Variants in DLG1 observed in about 807,000 individuals in gnomAD.
DLG1 encodes the protein disks large homolog 1.
A neutral mutation model predicts 123.4 loss-of-function variants in DLG1; 42 were observed. That is an observed-to-expected ratio of 0.34 (90% CI 0.27 to 0.44). The LOEUF is 0.44. DLG1 is among the 20% of genes least tolerant of loss of function. The pLI is 1.00. For synonymous variants in DLG1, 317 were observed against 356.2 expected (o/e 0.89, Z 1.24); for missense variants, 942 against 1,082.6 (o/e 0.87, Z 1.82).
At chr3:197,245,762 G>A (rs1751315278) in intron 4 of DLG1, among the ~76,000 whole-genome samples, 1 of 152,152 alleles carries the variant, frequency 6.6e-6, no homozygotes, top group African/African-American at 2.4e-5. Context: ...GGGGGAGAAA[G>A]ACAATGAGTT....
intron 4 of DLG1, among the ~76,000 whole-genome samples, chr3:197,197,306 CT>C (rs1723054749): frequency 6.6e-6 from 1 of 152,212 alleles, no homozygotes; most frequent in Non-Finnish European, 1.5e-5. Context: ...ATACCTGTCT[CT>C]CTTTTTGTAA....
At chr3:197,143,502 C>T (rs1011514912) in intron 6 of DLG1, among the ~76,000 whole-genome samples, 4 of 152,072 alleles carry the variant, frequency 2.6e-5, no homozygotes, top group African/African-American at 7.2e-5. Context: ...GTGATCCACC[C>T]GCCTCGGCCT....
chr3:197,052,441 C>A (rs146085224), intron 23 of DLG1, among the ~76,000 whole-genome samples: 1 of 151,706 alleles, frequency 6.6e-6, no homozygotes, highest in South Asian at 2.1e-4. Flanking sequence ...GGTGACAGAG[C>A]GAGACTCTGT....
At chr3:197,256,809 C>T (rs866509830) in intron 4 of DLG1, among the ~76,000 whole-genome samples, 1 of 152,066 alleles carries the variant, frequency 6.6e-6, no homozygotes, top group Non-Finnish European at 1.5e-5. Context: ...TAAGACTAAA[C>T]GAAACTTTCT....
chr3:197,236,445 G>A (rs1358228068), intron 4 of DLG1, among the ~76,000 whole-genome samples: 1 of 152,084 alleles, frequency 6.6e-6, no homozygotes, highest in Non-Finnish European at 1.5e-5. Flanking sequence ...TACATCAGGT[G>A]ACCTACAAGA....
chr3:197,071,458 CA>C (rs1743917586), intron 18 of DLG1, among the ~76,000 whole-genome samples: 1 of 150,376 alleles, frequency 6.6e-6, no homozygotes, highest in Non-Finnish European at 1.5e-5. Context: ...CTAAGACTGC[CA>C]AAAGCTACGC....
At chr3:197,269,622 G>A (rs982880220) in intron 4 of DLG1, among the ~76,000 whole-genome samples, 4 of 152,124 alleles carry the variant, frequency 2.6e-5, no homozygotes, top group African/African-American at 9.7e-5. Context: ...ATACTGCAAC[G>A]TTGGGCAGTA....
chr3:197,068,271 A>T (rs1319637278), intron 19 of DLG1, among the ~76,000 whole-genome samples: 1 of 152,212 alleles, frequency 6.6e-6, no homozygotes, highest in Non-Finnish European at 1.5e-5. Flanking sequence ...ATGGTGAGAG[A>T]CAGTATATAC....
intron 5 of DLG1, among the ~76,000 whole-genome samples, chr3:197,167,179 C>T (rs1461471061): frequency 2.0e-5 from 3 of 151,994 alleles, no homozygotes; most frequent in Admixed American, 2.0e-4. Context: ...TAAATAAATA[C>T]ATCAATAAAT....
intron 4 of DLG1, among the ~76,000 whole-genome samples, chr3:197,240,665 T>G (rs1035817955): frequency 6.6e-6 from 1 of 152,060 alleles, no homozygotes; most frequent in African/African-American, 2.4e-5. Context: ...ATCAGGAAAT[T>G]TTAAAAAGAG....
intron 14 of DLG1, among the ~76,000 whole-genome samples, chr3:197,097,783 T>C (rs2149246509): frequency 6.6e-6 from 1 of 152,074 alleles, no homozygotes; most frequent in African/African-American, 2.4e-5. Flanking sequence ...GGTTTCACCG[T>C]GTTGACCAGG....
At chr3:197,245,237 T>C (rs868252890) in intron 4 of DLG1, among the ~76,000 whole-genome samples, 1 of 152,202 alleles carries the variant, frequency 6.6e-6, no homozygotes, top group Non-Finnish European at 1.5e-5. Flanking sequence ...GATTCCATTA[T>C]CTGAATCAAT....
At chr3:197,075,340 A>G (rs1166493588) in intron 18 of DLG1, among the ~76,000 whole-genome samples, 24 of 143,428 alleles carry the variant, frequency 1.7e-4, no homozygotes, top group African/African-American at 4.4e-4. Flanking sequence ...AAAAAAAAAA[A>G]AGAGATACAC....
intron 4 of DLG1, among the ~76,000 whole-genome samples, chr3:197,233,977 G>C (rs556793586): frequency 2.0e-5 from 3 of 152,206 alleles, no homozygotes; most frequent in Admixed American, 6.5e-5. Flanking sequence ...TTTGCTTCTA[G>C]CATAAAACTT....
chr3:197,185,662 T>TATAA (rs1197946789), intron 5 of DLG1, among the ~76,000 whole-genome samples: 1 of 152,236 alleles, frequency 6.6e-6, no homozygotes, highest in Non-Finnish European at 1.5e-5. Context: ...GTGTGGTTTA[T>TATAA]ATAAATGCTA....
intron 4 of DLG1, among the ~76,000 whole-genome samples, chr3:197,217,819 G>A (rs958040963): frequency 2.0e-4 from 30 of 152,124 alleles, no homozygotes; most frequent in African/African-American, 7.2e-4. Flanking sequence ...AAGCAGCTTT[G>A]GAAAATTTTT....
At chr3:197,232,715 C>T (rs139103717) in intron 4 of DLG1, among the ~76,000 whole-genome samples, 184 of 151,234 alleles carry the variant, frequency 1.2e-3, no homozygotes, top group African/African-American at 3.9e-3. Flanking sequence ...TGATATGCAA[C>T]GCACAGTTGA....
At chr3:197,297,621 G>T (rs923387616) in intron 1 of DLG1, 49 of 1,003,624 alleles carry the variant, frequency 4.9e-5, no homozygotes, top group East Asian at 1.1e-4. Context: ...CGCTGAGAGG[G>T]GACCAGCGGG....
chr3:197,297,156 C>T, intron 2 of DLG1, 30 bp downstream of exon 2: 1 of 1,613,604 alleles, frequency 6.2e-7, no homozygotes, highest in Non-Finnish European at 8.5e-7. Flanking sequence ...CAAGTGACAT[C>T]GACAACAGAG....
Sources: gnomAD v4.1 joint callset for allele counts (sites outside exome capture counted in the v4.1 genomes callset) on GRCh38, gnomAD v4.1.1 for gene constraint, MANE v1.5 for transcripts, NCBI Gene and HGNC (gene_info 2026-07-23, HGNC 2026-07-21) for gene names.